The following CATSPERT variants were observed in gnomAD, a reference collection of about 807,000 sequenced individuals.
The protein encoded by CATSPERT is cation channel sperm-associated targeting subunit tau.
the CATSPERT span, among the ~76,000 whole-genome samples, chr2:201,497,285 C>T: frequency 6.6e-6 from 1 of 152,202 alleles, no homozygotes; most frequent in Non-Finnish European, 1.5e-5. Context: ...TATCGTTCCT[C>T]TCCTTCAGCC....
chr2:201,502,601 T>C, the CATSPERT span, among the ~76,000 whole-genome samples: 6 of 151,860 alleles, frequency 4.0e-5, no homozygotes, highest in African/African-American at 1.5e-4. Context: ...AGTCTGTTTT[T>C]ATTTGTTCCT....
the CATSPERT span, among the ~76,000 whole-genome samples, chr2:201,572,264 C>A: frequency 6.6e-6 from 1 of 152,078 alleles, no homozygotes; most frequent in Non-Finnish European, 1.5e-5. Context: ...TCTCAATAAA[C>A]CTATACGGTA....
At chr2:201,551,246 T>G in the CATSPERT span, among the ~76,000 whole-genome samples, 1 of 152,200 alleles carries the variant, frequency 6.6e-6, no homozygotes, top group Admixed American at 6.5e-5. Context: ...CTAGTCTATT[T>G]TATCATTTAC....
the CATSPERT span, chr2:201,572,129 T>C: frequency 7.3e-6 from 5 of 685,856 alleles, no homozygotes; most frequent in East Asian, 1.2e-4. Flanking sequence ...CCCAGGACTA[T>C]GAAATAGGCC....
At chr2:201,544,291 C>T in the CATSPERT span, among the ~76,000 whole-genome samples, 1 of 151,960 alleles carries the variant, frequency 6.6e-6, no homozygotes, top group Non-Finnish European at 1.5e-5. Flanking sequence ...CAAGTCTTTG[C>T]TATTGTGAAT....
the CATSPERT span, among the ~76,000 whole-genome samples, chr2:201,591,709 T>G: frequency 1.3e-5 from 2 of 152,282 alleles, no homozygotes; most frequent in African/African-American, 4.8e-5. Flanking sequence ...ACATCCCTTG[T>G]AAGTTGGATT....
At chr2:201,535,957 T>C in the CATSPERT span, 1 of 1,594,558 alleles carries the variant, frequency 6.3e-7, no homozygotes, top group African/African-American at 1.3e-5. Flanking sequence ...TGCCAGCTAA[T>C]TTCTGTTGGA....
chr2:201,563,077 T>G, the CATSPERT span, among the ~76,000 whole-genome samples: 1 of 149,384 alleles, frequency 6.7e-6, no homozygotes, highest in Non-Finnish European at 1.5e-5. Context: ...GCTCCTCACC[T>G]CCCAGTAGGG....
chr2:201,617,770 C>T, the CATSPERT span, among the ~76,000 whole-genome samples: 1 of 152,100 alleles, frequency 6.6e-6, no homozygotes, highest in Non-Finnish European at 1.5e-5. Flanking sequence ...AGTGAACAGG[C>T]AGCCTACAGA....
the CATSPERT span, among the ~76,000 whole-genome samples, chr2:201,610,535 CGAA>C: frequency 6.6e-6 from 1 of 151,842 alleles, no homozygotes; most frequent in Non-Finnish European, 1.5e-5. Flanking sequence ...ACCAAACTCT[CGAA>C]GAAGAACTAA....
At chr2:201,603,213 A>C in the CATSPERT span, 1 of 1,608,344 alleles carries the variant, frequency 6.2e-7, no homozygotes, top group Non-Finnish European at 8.5e-7. Flanking sequence ...TTAAATCAAA[A>C]GAAAGGATAC....
the CATSPERT span, among the ~76,000 whole-genome samples, chr2:201,568,498 C>T: frequency 1.3e-5 from 2 of 152,090 alleles, no homozygotes; most frequent in Non-Finnish European, 2.9e-5. Flanking sequence ...AGCTGCACAT[C>T]AGATACCAGG....
the CATSPERT span, among the ~76,000 whole-genome samples, chr2:201,503,927 C>G: frequency 2.0e-5 from 3 of 152,282 alleles, no homozygotes; most frequent in South Asian, 6.2e-4. Flanking sequence ...AGGTGATACC[C>G]TTCTAAGGAT....
At chr2:201,600,078 A>T in the CATSPERT span, among the ~76,000 whole-genome samples, 2 of 151,946 alleles carry the variant, frequency 1.3e-5, no homozygotes, top group Non-Finnish European at 2.9e-5. Context: ...CAGCGATCCC[A>T]TTACTGGGCA....
At chr2:201,534,820 GT>G in the CATSPERT span, 2 of 864,526 alleles carry the variant, frequency 2.3e-6, no homozygotes, top group Non-Finnish European at 2.8e-6. Context: ...TATGAAAACT[GT>G]TTAAAAACTT....
chr2:201,526,949 A>T, the CATSPERT span, among the ~76,000 whole-genome samples: 1 of 152,340 alleles, frequency 6.6e-6, no homozygotes, highest in South Asian at 2.1e-4. Flanking sequence ...GCATCCAAAA[A>T]GGAAGTGAAG....
chr2:201,616,510 C>T, the CATSPERT span, among the ~76,000 whole-genome samples: 2 of 152,176 alleles, frequency 1.3e-5, no homozygotes, highest in Admixed American at 6.5e-5. Flanking sequence ...TTCAACAGCC[C>T]TTCATGCTAA....
At chr2:201,567,870 A>G in the CATSPERT span, among the ~76,000 whole-genome samples, 1 of 152,212 alleles carries the variant, frequency 6.6e-6, no homozygotes, top group Non-Finnish European at 1.5e-5. Flanking sequence ...GTTGCATGAT[A>G]TGATCCAAAT....
At chr2:201,491,512 T>G in the CATSPERT span, 1 of 1,536,194 alleles carries the variant, frequency 6.5e-7, no homozygotes, top group East Asian at 2.4e-5. Flanking sequence ...TGTTACTAAA[T>G]GCTTTTTATT....
Sources: gnomAD v4.1 joint callset for allele counts (sites outside exome capture counted in the v4.1 genomes callset) on GRCh38, gnomAD v4.1.1 for gene constraint, MANE v1.5 for transcripts, NCBI Gene and HGNC (gene_info 2026-07-23, HGNC 2026-07-21) for gene names.